Variants in ATP8A2 observed in about 807,000 individuals in gnomAD.
The protein encoded by ATP8A2 is ATPase phospholipid transporting 8A2.
ATP8A2 carries 100 observed loss-of-function variants against 165.6 expected under a neutral mutation model. The ratio of observed to expected loss-of-function variants is 0.60; its 90% CI spans 0.51 to 0.71. The LOEUF is 0.71. Among genes scored for constraint, ATP8A2 ranks in the 30% least tolerant of loss-of-function variants. ATP8A2 has a pLI of 0.00. For missense variants in ATP8A2, 1,227 were observed against 1,479.5 expected (o/e 0.83, Z 2.80); for synonymous variants, 543 against 548.8 (o/e 0.99, Z 0.15).
chr13:25,610,930 G>T (rs1197339523), intron 24 of ATP8A2, among the ~76,000 whole-genome samples: 1 of 114,764 alleles, frequency 8.7e-6, no homozygotes, highest in African/African-American at 3.4e-5. Context: ...TTGAGTTCTT[G>T]ATTTGATTCT....
chr13:25,405,878 C>T (rs1488296355), intron 1 of ATP8A2, among the ~76,000 whole-genome samples: 2 of 152,260 alleles, frequency 1.3e-5, no homozygotes, highest in Non-Finnish European at 2.9e-5. Context: ...ACACAGCCTT[C>T]TCTGCTTCCC....
chr13:25,704,669 C>T (rs2043019960), intron 25 of ATP8A2, among the ~76,000 whole-genome samples: 1 of 152,118 alleles, frequency 6.6e-6, no homozygotes, highest in Admixed American at 6.5e-5. Flanking sequence ...GGTTTTATAT[C>T]TAGGGGACCT....
At chr13:25,924,836 C>T (rs1724554626) in intron 33 of ATP8A2, among the ~76,000 whole-genome samples, 1 of 152,138 alleles carries the variant, frequency 6.6e-6, no homozygotes, top group Non-Finnish European at 1.5e-5. Flanking sequence ...GAATAAGTCT[C>T]ACAATATCTG....
intron 24 of ATP8A2, among the ~76,000 whole-genome samples, chr13:25,679,777 G>T (rs2042445174): frequency 6.6e-6 from 1 of 152,164 alleles, no homozygotes; most frequent in African/African-American, 2.4e-5. Flanking sequence ...CCCATTCCAG[G>T]TTAGTGACAT....
chr13:25,767,540 A>G (rs1353895229), intron 25 of ATP8A2, among the ~76,000 whole-genome samples: 6 of 152,228 alleles, frequency 3.9e-5, no homozygotes, highest in African/African-American at 1.4e-4. Context: ...TCAGCCTTCC[A>G]TATATTTGTA....
chr13:26,013,247 CCTCT>C (rs1474595502), intron 36 of ATP8A2, among the ~76,000 whole-genome samples: 2 of 152,160 alleles, frequency 1.3e-5, no homozygotes, highest in African/African-American at 4.8e-5. Context: ...CCCAGCCCTG[CCTCT>C]CTGTGTCCTG....
At position 25,787,416 on chromosome 13, in the gene ATP8A2, T is replaced by C. The variant is rs577657240; in HGVS notation, c.2679+12457T>C. Among the ~76,000 whole-genome samples, 65 of 152,368 alleles carry C rather than the reference T, an allele frequency of 4.3e-4. No homozygotes were observed. The South Asian group carries it at 6.6e-3, about 16-fold the overall frequency. On this transcript the variant is annotated intron_variant, in intron 27 of 36. Transcript: ENST00000381655. ...ATTTATTGCTTTTATTGCTGAGTGG[T>C]ATTCCATTGCATGGGTGTTTCACAG...
rs1300537289 is a variant in ATP8A2, at chr13:26,023,201, G to A, written c.*3216G>A. Reference sequence around the variant, plus strand: ...GAATATTCCAGGCTTCTTGACCAGGGTTATGTTCACCCATCTCCCAACACA... The same window carrying A: ...GAATATTCCAGGCTTCTTGACCAGGATTATGTTCACCCATCTCCCAACACA... On this transcript the variant is annotated 3_prime_UTR_variant, in exon 37 of 37. Transcript: ENST00000381655. The A allele has an allele frequency of 6.6e-6, 1 of 152,238 alleles. No homozygotes were observed. The highest frequency in any genetic ancestry group is 1.5e-5 in the Non-Finnish European group (1 of 68,082). 9.4% of individuals were successfully genotyped at this position (152,238 alleles called of 1,614,324 possible).
intron 35 of ATP8A2, among the ~76,000 whole-genome samples, chr13:26,000,201 T>A (rs114476620): frequency 0.015 from 2,239 of 152,320 alleles, 61 homozygotes; most frequent in African/African-American, 0.051. Context: ...TGAGGGCCTG[T>A]CACATCTGTG....
At chr13:25,523,804 A>G (rs1185716754) in intron 2 of ATP8A2, among the ~76,000 whole-genome samples, 1 of 152,048 alleles carries the variant, frequency 6.6e-6, no homozygotes, top group Non-Finnish European at 1.5e-5. Context: ...TATCTTTTCA[A>G]AAATTCAAGT....
intron 15 of ATP8A2, among the ~76,000 whole-genome samples, chr13:25,562,240 A>T (rs12857978): frequency 0.1 from 15,551 of 152,192 alleles, 1,251 homozygotes; most frequent in African/African-American, 0.21. Context: ...TCCTGCCAGC[A>T]ATGCACAAGG....
chr13:25,440,600 C>T (rs910895450), intron 1 of ATP8A2, among the ~76,000 whole-genome samples: 4 of 152,148 alleles, frequency 2.6e-5, no homozygotes, highest in South Asian at 4.1e-4. Context: ...GCCTCTCACC[C>T]GCGGCTGGAG....
rs183622238 is a variant in ATP8A2, at chr13:25,533,087, C to T, written c.467-186C>T. On this transcript the variant is annotated intron_variant, in intron 5 of 36. Transcript: ENST00000381655. ...TGTATGCATGAATGTATATATGTTA[C>T]AGAGGTACATACCATACGTTGGTGT... 1.1e-3 allele frequency among the ~76,000 whole-genome samples: 171 copies of T among 152,040 alleles called. 1 individual carries two copies. The highest frequency in any genetic ancestry group is 3.9e-3 in the African/African-American group (161 of 41,450).
intron 33 of ATP8A2, chr13:25,950,691 A>AT (rs1955332092): frequency 1.3e-5 from 2 of 152,124 alleles, no homozygotes; most frequent in African/African-American, 4.8e-5. Flanking sequence ...TTATTTATTT[A>AT]TTTTTTATTT....
Position 26,023,420 on chromosome 13 carries a change from C to T in ATP8A2, c.*3435C>T, listed in dbSNP as rs1379373451. 3 of 152,062 alleles carry T rather than the reference C, an allele frequency of 2.0e-5. No homozygotes were observed. The highest frequency in any genetic ancestry group is 4.4e-5 in the Non-Finnish European group (3 of 68,022). The allele number at this position is 152,062 out of a possible 1,614,324, so 9.4% of individuals were successfully genotyped here. A position where few individuals can be genotyped will look rare whatever the true frequency, so the allele number is the denominator to read the frequency against. On this transcript the variant is annotated 3_prime_UTR_variant, in exon 37 of 37. Transcript: ENST00000381655. The stretch of plus-strand genomic sequence containing the variant: ...CTTTCCCTTGACAAGGCTTCAGGTT[C>T]GTCTCACTATAGGGAGCTGGCTGTG...
chr13:25,985,221 A>G (rs962138685), intron 35 of ATP8A2, among the ~76,000 whole-genome samples: 5 of 152,256 alleles, frequency 3.3e-5, no homozygotes, highest in Non-Finnish European at 5.9e-5. Context: ...GGAAAAGAGA[A>G]TAGAACTAAA....
chr13:25,688,348 A>G (rs55960915), intron 24 of ATP8A2, among the ~76,000 whole-genome samples: 5,829 of 151,752 alleles, frequency 0.038, 168 homozygotes, highest in Middle Eastern at 0.099. Flanking sequence ...ACCCTCACGC[A>G]CCCTAGTTCG....
chr13:25,911,211 A>G (rs1224541677), intron 33 of ATP8A2, among the ~76,000 whole-genome samples: 1 of 152,126 alleles, frequency 6.6e-6, no homozygotes, highest in Non-Finnish European at 1.5e-5. Flanking sequence ...GGAACAATAG[A>G]CTTGCCAAGA....
At chr13:25,710,120 AT>A (rs896460814) in intron 25 of ATP8A2, among the ~76,000 whole-genome samples, 19 of 151,982 alleles carry the variant, frequency 1.3e-4, no homozygotes, top group Admixed American at 3.3e-4. Flanking sequence ...ATTTTTTTTA[AT>A]TTTTAATTTT....
Sources: allele counts gnomAD v4.1 joint callset (sites outside exome capture counted in the v4.1 genomes callset), GRCh38; gene constraint gnomAD v4.1.1; transcripts MANE v1.5; gene names NCBI Gene and HGNC (gene_info 2026-07-23, HGNC 2026-07-21).